SCHIP1: variants seen among roughly 807,000 people sequenced by gnomAD.
SCHIP1 encodes schwannomin interacting protein 1.
SCHIP1 carries 8 observed loss-of-function variants against 29.7 expected under a neutral mutation model. The ratio of observed to expected loss-of-function variants is 0.27; its 90% CI spans 0.16 to 0.49. SCHIP1 has a LOEUF of 0.49. SCHIP1 is among the 20% of genes least tolerant of loss of function. SCHIP1 has a pLI of 0.99. For missense variants in SCHIP1, 193 were observed against 294.6 expected (o/e 0.66, Z 2.52); for synonymous variants, 76 against 94.9 (o/e 0.80, Z 1.16).
chr3:159,682,303 A>G, the SCHIP1 span, among the ~76,000 whole-genome samples: 1 of 152,184 alleles, frequency 6.6e-6, no homozygotes, highest in Non-Finnish European at 1.5e-5. Context: ...TAAAGGAGAC[A>G]ACTGTTGAGG....
At chr3:159,429,057 GA>G in the SCHIP1 span, among the ~76,000 whole-genome samples, 5 of 136,180 alleles carry the variant, frequency 3.7e-5, no homozygotes, top group Non-Finnish European at 6.3e-5. Context: ...GGGGTTGGGG[GA>G]GGGGGGAGGG....
the SCHIP1 span, among the ~76,000 whole-genome samples, chr3:159,393,190 T>C: frequency 6.6e-6 from 1 of 152,200 alleles, no homozygotes; most frequent in African/African-American, 2.4e-5. Context: ...TTTGTTTGAG[T>C]TCATTGTAGA....
chr3:159,339,073 T>C, the SCHIP1 span, among the ~76,000 whole-genome samples: 1 of 152,088 alleles, frequency 6.6e-6, no homozygotes, highest in Non-Finnish European at 1.5e-5. Flanking sequence ...ATAGGTTCCA[T>C]GGCCATTTAC....
the SCHIP1 span, among the ~76,000 whole-genome samples, chr3:159,371,870 T>C: frequency 6.6e-6 from 1 of 152,142 alleles, no homozygotes; most frequent in East Asian, 1.9e-4. Flanking sequence ...TTTTTAAAAA[T>C]GTATTTTTGA....
chr3:159,390,105 A>T, the SCHIP1 span, among the ~76,000 whole-genome samples: 1 of 152,136 alleles, frequency 6.6e-6, no homozygotes, highest in South Asian at 2.1e-4. Context: ...TGAACTTGTT[A>T]TTTAACCATT....
intron 5 of SCHIP1, 100 bp downstream of exon 6, chr3:159,889,043 G>A: frequency 1.4e-6 from 2 of 1,415,046 alleles, no homozygotes; most frequent in Non-Finnish European, 1.9e-6. Context: ...ATTTCATTGG[G>A]TTCCTGTGTG....
At chr3:159,492,171 G>A in the SCHIP1 span, among the ~76,000 whole-genome samples, 4 of 152,194 alleles carry the variant, frequency 2.6e-5, no homozygotes, top group Admixed American at 6.5e-5. Flanking sequence ...CAGAAAAACC[G>A]GAAACTCTAA....
the SCHIP1 span, among the ~76,000 whole-genome samples, chr3:159,691,325 C>G: frequency 6.6e-6 from 1 of 151,992 alleles, no homozygotes; most frequent in South Asian, 2.1e-4. Flanking sequence ...TTGCACTTAT[C>G]CCTTTACCAT....
the SCHIP1 span, among the ~76,000 whole-genome samples, chr3:159,738,746 T>C: frequency 1.3e-5 from 2 of 152,052 alleles, no homozygotes; most frequent in Non-Finnish European, 2.9e-5. Context: ...AACAAGGAAA[T>C]TGTATATAGT....
chr3:159,377,327 C>T, the SCHIP1 span, among the ~76,000 whole-genome samples: 714 of 152,296 alleles, frequency 4.7e-3, 7 homozygotes, highest in African/African-American at 0.017. Context: ...GAGCAACAGC[C>T]GGAATCACTG....
chr3:159,492,765 T>TCCTTG, the SCHIP1 span, among the ~76,000 whole-genome samples: 1 of 151,850 alleles, frequency 6.6e-6, no homozygotes, highest in Non-Finnish European at 1.5e-5. Context: ...ACAAAGATAC[T>TCCTTG]CCTTGAGAAG....
At chr3:159,284,382 A>G in the SCHIP1 span, among the ~76,000 whole-genome samples, 2 of 152,168 alleles carry the variant, frequency 1.3e-5, no homozygotes, top group African/African-American at 4.8e-5. Context: ...AATTTTGTTA[A>G]TTGAAATTTT....
At chr3:159,571,234 C>T in the SCHIP1 span, among the ~76,000 whole-genome samples, 2 of 152,132 alleles carry the variant, frequency 1.3e-5, no homozygotes, top group South Asian at 2.1e-4. Flanking sequence ...GGGAATGCTT[C>T]CAGTTTTTGC....
the SCHIP1 span, among the ~76,000 whole-genome samples, chr3:159,519,384 G>A: frequency 6.6e-6 from 1 of 151,962 alleles, no homozygotes; most frequent in African/African-American, 2.4e-5. Flanking sequence ...AGATTACTTC[G>A]AGGATCTAGT....
chr3:159,658,275 T>C, the SCHIP1 span, among the ~76,000 whole-genome samples: 1 of 152,122 alleles, frequency 6.6e-6, no homozygotes, highest in Admixed American at 6.5e-5. Context: ...CAGGTGACAG[T>C]ATCATGGAGT....
chr3:159,551,821 T>G, the SCHIP1 span, among the ~76,000 whole-genome samples: 1 of 152,142 alleles, frequency 6.6e-6, no homozygotes, highest in Non-Finnish European at 1.5e-5. Flanking sequence ...TGTTGGAACA[T>G]GAAACCACAT....
the SCHIP1 span, among the ~76,000 whole-genome samples, chr3:159,385,584 A>C: frequency 4.9e-4 from 55 of 111,834 alleles, no homozygotes; most frequent in African/African-American, 4.0e-4. Flanking sequence ...ACAAAAAAAA[A>C]AAAACCAAAA....
chr3:159,758,839 C>A, the SCHIP1 span, among the ~76,000 whole-genome samples: 1 of 152,252 alleles, frequency 6.6e-6, no homozygotes, highest in Admixed American at 6.5e-5. Context: ...TCCTGACTGA[C>A]ACCCTCTGTG....
chr3:159,415,341 G>A, the SCHIP1 span, among the ~76,000 whole-genome samples: 3 of 152,056 alleles, frequency 2.0e-5, no homozygotes, highest in East Asian at 1.9e-4. Context: ...GAGAAGGTTC[G>A]TTATATAGGT....
Sources: allele counts gnomAD v4.1 joint callset (sites outside exome capture counted in the v4.1 genomes callset), GRCh38; gene constraint gnomAD v4.1.1; transcripts MANE v1.5; gene names NCBI Gene and HGNC (gene_info 2026-07-23, HGNC 2026-07-21).